Variants in ST6GALNAC5 observed in about 807,000 individuals in gnomAD.
ST6GALNAC5 encodes ST6 N-acetylgalactosaminide alpha-2,6-sialyltransferase 5, also known as alpha-N-acetylgalactosaminide alpha-2,6-sialyltransferase 5.
ST6GALNAC5 carries 27 observed loss-of-function variants against 33.6 expected under a neutral mutation model. That is an observed-to-expected ratio of 0.80 (90% CI 0.59 to 1.11). The LOEUF is 1.11. Ranked by LOEUF, ST6GALNAC5 falls within the 50% of genes least tolerant of loss-of-function variation. The pLI, the probability that ST6GALNAC5 is intolerant of heterozygous loss-of-function variation, is 0.00. For missense variants in ST6GALNAC5, 428 were observed against 454.0 expected, an observed-to-expected ratio of 0.94 and a Z score of 0.52; for synonymous variants, 194 against 171.2, an observed-to-expected ratio of 1.13 and a Z score of -1.04.
rs1222512954 is a variant in ST6GALNAC5, at chr1:77,044,369, G to A, written c.427G>A (p.Val143Ile). The part of the protein sequence containing the change: ...RDVGNRTSLR[V>I]IAHSSIQRIL... The stretch of plus-strand genomic sequence containing the variant: ...CGTGGGCAATCGCACCAGCCTGAGG[G>A]TCATCGCGCATTCCAGCATCCAGAG... Residue 143 changes from valine (V) to isoleucine (I), a missense_variant, in exon 3 of 5, where the codon GTC becomes ATC. Transcript: ENST00000477717. 9 of 1,613,780 alleles carry A rather than the reference G, an allele frequency of 5.6e-6. No individual in the cohort carries two copies. The highest frequency in any genetic ancestry group is 6.8e-6 in the Non-Finnish European group (8 of 1,179,998).
intron 2 of ST6GALNAC5, among the ~76,000 whole-genome samples, chr1:76,908,298 T>G (rs1271890387): frequency 3.3e-5 from 5 of 152,130 alleles, no homozygotes; most frequent in Non-Finnish European, 4.4e-5. Flanking sequence ...AAGACCTGTT[T>G]CCTGGTTCAT....
intron 2 of ST6GALNAC5, among the ~76,000 whole-genome samples, chr1:76,998,551 C>A (rs1002354622): frequency 6.6e-6 from 1 of 152,110 alleles, no homozygotes; most frequent in South Asian, 2.1e-4. Context: ...TAATTATGGT[C>A]ACTGAGAAGC....
intron 2 of ST6GALNAC5, among the ~76,000 whole-genome samples, chr1:77,038,754 A>C (rs1429971376): frequency 6.6e-6 from 1 of 152,220 alleles, no homozygotes; most frequent in East Asian, 1.9e-4. Flanking sequence ...TTCCCTGAGC[A>C]CGCTTCCCAA....
intron 2 of ST6GALNAC5, among the ~76,000 whole-genome samples, chr1:76,990,331 T>C (rs1649675088): frequency 1.3e-5 from 2 of 152,212 alleles, no homozygotes. Flanking sequence ...GCTCATTGTA[T>C]GGCAAGCTGA....
chr1:76,869,426 T>C (rs1653445910), intron 2 of ST6GALNAC5, among the ~76,000 whole-genome samples: 1 of 152,216 alleles, frequency 6.6e-6, no homozygotes. Flanking sequence ...GAATAATAAA[T>C]ATCTGGTTTC....
chr1:77,018,895 G>A (rs1650950288), intron 2 of ST6GALNAC5, among the ~76,000 whole-genome samples: 2 of 152,178 alleles, frequency 1.3e-5, no homozygotes, highest in African/African-American at 4.8e-5. Flanking sequence ...AGCAGGAAAA[G>A]CAAGGAAGCC....
chr1:76,918,026 T>A, intron 2 of ST6GALNAC5, among the ~76,000 whole-genome samples: 1 of 152,154 alleles, frequency 6.6e-6, no homozygotes, highest in Non-Finnish European at 1.5e-5. Flanking sequence ...ACACCCAGAA[T>A]AATGTTTGAC....
intron 2 of ST6GALNAC5, among the ~76,000 whole-genome samples, chr1:76,888,869 G>A (rs1653954587): frequency 6.6e-6 from 1 of 151,990 alleles, no homozygotes; most frequent in African/African-American, 2.4e-5. Context: ...GCTAAATCAA[G>A]GTTAATTAAC....
intron 2 of ST6GALNAC5, among the ~76,000 whole-genome samples, chr1:77,035,727 T>A (rs1455301610): frequency 6.6e-6 from 1 of 152,234 alleles, no homozygotes; most frequent in Admixed American, 6.5e-5. Context: ...GTGAGGTACT[T>A]CTTTTCACCC....
chr1:76,881,102 A>G (rs1653768371), intron 2 of ST6GALNAC5, among the ~76,000 whole-genome samples: 1 of 152,202 alleles, frequency 6.6e-6, no homozygotes. Flanking sequence ...GGTCTTAAGT[A>G]TAGAATGACA....
chr1:76,910,046 G>C (rs1055073093), intron 2 of ST6GALNAC5, among the ~76,000 whole-genome samples: 2 of 151,998 alleles, frequency 1.3e-5, no homozygotes, highest in African/African-American at 4.8e-5. Flanking sequence ...CAAATTTTAA[G>C]GAAAAATAAC....
chr1:76,897,673 C>T (rs184695515), intron 2 of ST6GALNAC5, among the ~76,000 whole-genome samples: 105 of 152,084 alleles, frequency 6.9e-4, no homozygotes, highest in South Asian at 4.2e-4. Context: ...GGAAGAAGGG[C>T]GGCAGTAAGA....
intron 2 of ST6GALNAC5, among the ~76,000 whole-genome samples, chr1:76,974,438 C>T (rs765316573): frequency 9.9e-5 from 15 of 151,840 alleles, no homozygotes; most frequent in East Asian, 3.9e-4. Context: ...CCTGGCCTCA[C>T]GCAATTCTCC....
At chr1:77,053,410 T>C (rs1423919838) in intron 4 of ST6GALNAC5, among the ~76,000 whole-genome samples, 5 of 152,168 alleles carry the variant, frequency 3.3e-5, no homozygotes, top group African/African-American at 1.2e-4. Context: ...CACAGGACAG[T>C]AGATATTTAC....
intron 2 of ST6GALNAC5, among the ~76,000 whole-genome samples, chr1:77,019,078 C>A (rs1650957491): frequency 6.6e-6 from 1 of 152,182 alleles, no homozygotes; most frequent in African/African-American, 2.4e-5. Flanking sequence ...GAAAAAGATT[C>A]TATCTTGCTT....
intron 2 of ST6GALNAC5, among the ~76,000 whole-genome samples, chr1:76,929,707 C>T (rs965605100): frequency 6.6e-6 from 1 of 152,150 alleles, no homozygotes; most frequent in Non-Finnish European, 1.5e-5. Flanking sequence ...CTGTAAAATA[C>T]ATAACAGGTC....
At chr1:76,953,313 G>A (rs943994484) in intron 2 of ST6GALNAC5, among the ~76,000 whole-genome samples, 1 of 152,076 alleles carries the variant, frequency 6.6e-6, no homozygotes. Context: ...GAGAGATCAA[G>A]CTTCTCTGTA....
intron 2 of ST6GALNAC5, among the ~76,000 whole-genome samples, chr1:77,041,166 A>G (rs921630225): frequency 3.9e-5 from 6 of 152,104 alleles, no homozygotes; most frequent in African/African-American, 1.4e-4. Flanking sequence ...TCCTTTTTAA[A>G]ATTGTCTCTT....
At chr1:76,956,472 A>G (rs189943535) in intron 2 of ST6GALNAC5, among the ~76,000 whole-genome samples, 33 of 152,314 alleles carry the variant, frequency 2.2e-4, no homozygotes, top group Admixed American at 1.8e-3. Context: ...CCACAGGCTA[A>G]CAAACTTTGT....
Sources: allele counts gnomAD v4.1 joint callset (sites outside exome capture counted in the v4.1 genomes callset), GRCh38; gene constraint gnomAD v4.1.1; transcripts MANE v1.5; gene names NCBI Gene and HGNC (gene_info 2026-07-23, HGNC 2026-07-21).